The following SRPK2 variants were observed in gnomAD, a reference collection of about 807,000 sequenced individuals.
SRPK2 encodes the protein SRSF protein kinase 2.
A neutral mutation model predicts 90.8 loss-of-function variants in SRPK2; 21 were observed. That is an observed-to-expected ratio of 0.23 (90% CI 0.16 to 0.33). The LOEUF (loss-of-function observed/expected upper bound fraction) is 0.33, where lower values mean the gene tolerates loss of function less well. Ranked by LOEUF, SRPK2 falls within the 10% of genes least tolerant of loss-of-function variation. The probability of loss-of-function intolerance (pLI) is 1.00; values close to 1 mark genes in which losing one functional copy is unlikely to be tolerated. For missense variants in SRPK2, 620 were observed against 869.0 expected (o/e 0.71, Z 3.60); for synonymous variants, 288 against 311.1 (o/e 0.93, Z 0.78).
At chr7:105,125,828 T>C (rs778806207) in intron 15 of SRPK2, 1 of 1,294,782 alleles carries the variant, frequency 7.7e-7, no homozygotes, top group South Asian at 1.2e-5. Context: ...ACATAGCGTA[T>C]TTTCGAGGGA....
At chr7:105,247,510 CAA>C (rs1585343969) in intron 2 of SRPK2, among the ~76,000 whole-genome samples, 2 of 87,078 alleles carry the variant, frequency 2.3e-5, no homozygotes, top group South Asian at 3.9e-4. Context: ...CCATACATAC[CAA>C]AAAACACACA....
chr7:105,232,458 T>TAAAAAAA (rs10533429), intron 2 of SRPK2, among the ~76,000 whole-genome samples: 1 of 132,064 alleles, frequency 7.6e-6, no homozygotes. Context: ...AAACCTTATC[T>TAAAAAAA]AAAAAAAAAA....
chr7:105,186,090 C>T (rs1300245300), intron 3 of SRPK2, among the ~76,000 whole-genome samples: 1 of 152,144 alleles, frequency 6.6e-6, no homozygotes, highest in Non-Finnish European at 1.5e-5. Flanking sequence ...ATAAAGGTTT[C>T]ATCTTGATTT....
At chr7:105,277,268 G>A (rs1390930120) in intron 2 of SRPK2, among the ~76,000 whole-genome samples, 1 of 152,036 alleles carries the variant, frequency 6.6e-6, no homozygotes, top group Non-Finnish European at 1.5e-5. Flanking sequence ...AGGAGAGATG[G>A]TGTTTCACTG....
chr7:105,245,138 T>G (rs1801461854), intron 2 of SRPK2, among the ~76,000 whole-genome samples: 1 of 151,792 alleles, frequency 6.6e-6, no homozygotes, highest in South Asian at 2.1e-4. Context: ...CAAATAAAAT[T>G]TGTGTCTATA....
intron 3 of SRPK2, among the ~76,000 whole-genome samples, chr7:105,173,489 A>G (rs868015066): frequency 1.3e-5 from 2 of 152,192 alleles, no homozygotes; most frequent in Admixed American, 6.5e-5. Context: ...TGCTGCCAGA[A>G]GAGTGGTCTC....
intron 2 of SRPK2, among the ~76,000 whole-genome samples, chr7:105,388,352 G>C (rs1360706712): frequency 6.6e-6 from 1 of 150,796 alleles, no homozygotes; most frequent in African/African-American, 2.4e-5. Flanking sequence ...GGGTGCGCAC[G>C]CCCTGCCCGG....
chr7:105,195,131 C>T lies in SRPK2; in HGVS notation c.229+8497G>A, dbSNP rs1175626434. ...GTGGCGCAATCTCAACTCATTGCAA[C>T]CTCCGCCTCCCACGTTGAAGTGATT... On this transcript the variant is annotated intron_variant, in intron 3 of 15. Transcript: ENST00000393651. 2.0e-5 allele frequency among the ~76,000 whole-genome samples: 3 copies of T among 152,170 alleles called. No individual in the cohort carries two copies. In the South Asian group the frequency reaches 6.2e-4, roughly 32 times the overall value.
At chr7:105,301,586 G>C (rs920220199) in intron 2 of SRPK2, 11 of 1,598,790 alleles carry the variant, frequency 6.9e-6, no homozygotes, top group Non-Finnish European at 9.4e-6. Flanking sequence ...GGAGATGAAA[G>C]TTTCCGGGAA....
intron 6 of SRPK2, among the ~76,000 whole-genome samples, chr7:105,164,970 T>C (rs1240356359): frequency 6.6e-6 from 1 of 152,164 alleles, no homozygotes; most frequent in Non-Finnish European, 1.5e-5. Flanking sequence ...TCCGATTTTC[T>C]TGAACCTTGG....
chr7:105,297,257 T>C (rs763140582), intron 2 of SRPK2, among the ~76,000 whole-genome samples: 6 of 152,158 alleles, frequency 3.9e-5, no homozygotes, highest in African/African-American at 1.2e-4. Flanking sequence ...AGCAAACCAA[T>C]TGCCAATCAA....
At position 105,142,501 on chromosome 7, in the gene SRPK2, T is replaced by C; in HGVS notation, c.1061-11A>G. 1 of 1,596,162 alleles carries C rather than the reference T, an allele frequency of 6.3e-7. No homozygotes were observed. The highest frequency in any genetic ancestry group is 1.3e-5 in the African/African-American group (1 of 74,098). On this transcript the variant is annotated splice_polypyrimidine_tract_variant and intron_variant, in intron 10 of 15. Coordinates refer to ENST00000393651, the MANE Select transcript of SRPK2 (RefSeq NM_182692.3). ...GGTCCTCAGCTTCACCTTAAGAATT[T>C]GATGGGTCAAGAATTAGAACTTGTT...
intron 7 of SRPK2, among the ~76,000 whole-genome samples, chr7:105,157,253 T>C (rs891423582): frequency 1.1e-4 from 16 of 152,256 alleles, no homozygotes; most frequent in Admixed American, 5.2e-4. Flanking sequence ...CAGCAAGTGA[T>C]AGAGTAAGGA....
chr7:105,318,641 C>T (rs1359472241), intron 2 of SRPK2, among the ~76,000 whole-genome samples: 1 of 152,086 alleles, frequency 6.6e-6, no homozygotes, highest in African/African-American at 2.4e-5. Flanking sequence ...ATGTTCTTTC[C>T]GTCACACACT....
At chr7:105,378,039 C>A (rs1203840416) in intron 2 of SRPK2, among the ~76,000 whole-genome samples, 1 of 152,106 alleles carries the variant, frequency 6.6e-6, no homozygotes, top group Non-Finnish European at 1.5e-5. Context: ...CCCAGTCCTT[C>A]GTTTGACTTC....
chr7:105,358,611 G>A lies in SRPK2; in HGVS notation c.71+30037C>T, dbSNP rs1307882248. Among the ~76,000 whole-genome samples the A allele has an allele frequency of 5.9e-5, 9 of 151,844 alleles. 1 individual carries two copies. Among genetic ancestry groups the A allele is most frequent in the Admixed American group, 2.0e-4 (3 of 15,206 alleles). On this transcript the variant is annotated intron_variant, in intron 2 of 15. Transcript: ENST00000393651. ...TGAGGTGGGAGGATCACCTGAGCCC[G>A]GGAGGCAAAGGTTGCAGTAGGACGA... is the stretch of plus-strand genomic sequence containing the variant.
At chr7:105,227,893 CAAAAAAA>C (rs566478716) in intron 2 of SRPK2, among the ~76,000 whole-genome samples, 16 of 84,688 alleles carry the variant, frequency 1.9e-4, no homozygotes, top group South Asian at 1.7e-3. Context: ...TATCATTCAG[CAAAAAAA>C]AAAAAAAAAA....
intron 9 of SRPK2, 183 bp from the exon 10 acceptor site, chr7:105,143,513 G>T: frequency 1.4e-6 from 1 of 731,850 alleles, no homozygotes; most frequent in Non-Finnish European, 2.2e-6. Flanking sequence ...GGAAAGCAGT[G>T]CTGACTGATA....
chr7:105,369,253 T>C (rs1448969765), intron 2 of SRPK2, among the ~76,000 whole-genome samples: 1 of 151,852 alleles, frequency 6.6e-6, no homozygotes, highest in Non-Finnish European at 1.5e-5. Context: ...TTCAAGCAAT[T>C]CTCCTGCCTC....
Sources: allele counts gnomAD v4.1 joint callset (sites outside exome capture counted in the v4.1 genomes callset), GRCh38; gene constraint gnomAD v4.1.1; transcripts MANE v1.5; gene names NCBI Gene and HGNC (gene_info 2026-07-23, HGNC 2026-07-21).